The following DYNC2H1 variants were observed in gnomAD, a reference collection of about 807,000 sequenced individuals.
DYNC2H1 encodes the protein dynein cytoplasmic 2 heavy chain 1, also known as cytoplasmic dynein 2 heavy chain 1.
A neutral mutation model predicts 570.0 loss-of-function variants in DYNC2H1; 410 were observed. The ratio of observed to expected loss-of-function variants is 0.72; its 90% CI spans 0.66 to 0.78. The LOEUF (loss-of-function observed/expected upper bound fraction) is 0.78, where lower values mean the gene tolerates loss of function less well. DYNC2H1 is among the 30% of genes least tolerant of loss of function. The pLI, the probability that DYNC2H1 is intolerant of heterozygous loss-of-function variation, is 0.00. For synonymous variants in DYNC2H1, 1,688 were observed against 1,677.6 expected (o/e 1.01, Z -0.15); for missense variants, 4,865 against 5,046.4 (o/e 0.96, Z 1.09).
chr11:103,136,135 G>T (rs184585856), intron 17 of DYNC2H1, among the ~76,000 whole-genome samples, 187 bp downstream of exon 17: 51 of 151,866 alleles, frequency 3.4e-4, no homozygotes, highest in Admixed American at 7.9e-4. Context: ...AAAAGTTATG[G>T]GAAAGATTTT....
intron 1 of DYNC2H1, among the ~76,000 whole-genome samples, chr11:103,110,421 G>T (rs1475852948): frequency 6.6e-6 from 1 of 151,520 alleles, no homozygotes; most frequent in Non-Finnish European, 1.5e-5. Flanking sequence ...TTTTTTGGGG[G>T]GAAGGCAAAT....
At position 103,177,730 on chromosome 11, in the gene DYNC2H1, C is replaced by T. The variant is rs1216345152; in HGVS notation, c.6049C>T (p.Gln2017Ter). 1 of 1,613,308 alleles carries T rather than the reference C, an allele frequency of 6.2e-7. No homozygotes were observed. Among genetic ancestry groups the T allele is most frequent in the South Asian group, 1.1e-5 (1 of 90,982 alleles). Reference sequence around the variant, plus strand: ...GAATCCCAAAGCTATGCCTCGATATCAATTATTAGGCCATATTGACATGGA... The same window carrying T: ...GAATCCCAAAGCTATGCCTCGATATTAATTATTAGGCCATATTGACATGGA... ...TMNPKAMPRY[Q>*]LLGHIDMDTR... The change falls in exon 38 of 89, where the codon CAA becomes TAA. Residue 2017 changes from glutamine to a stop codon, truncating the protein, a stop_gained. Transcript: ENST00000375735. LOFTEE classifies it high-confidence loss of function. The surrounding 1 kb of genome is among the most constrained non-coding windows in gnomAD (Gnocchi z 4.4).
At chr11:103,309,721 T>C (rs7937201) in intron 78 of DYNC2H1, among the ~76,000 whole-genome samples, 7,808 of 152,196 alleles carry the variant, frequency 0.051, 255 homozygotes, top group Non-Finnish European at 0.075. Context: ...TAGGACTGGA[T>C]TGCATGAGCC....
At chr11:103,433,672 G>C (rs191512656) in intron 84 of DYNC2H1, among the ~76,000 whole-genome samples, 1 of 152,002 alleles carries the variant, frequency 6.6e-6, no homozygotes, top group African/African-American at 2.4e-5. Flanking sequence ...AAATACAACC[G>C]TCTCCTCCCA....
chr11:103,467,154 T>C (rs12418186), intron 87 of DYNC2H1, among the ~76,000 whole-genome samples: 22,216 of 152,182 alleles, frequency 0.15, 1,813 homozygotes, highest in Admixed American at 0.24. Context: ...TATTTATTGT[T>C]TATAGATACA....
intron 52 of DYNC2H1, among the ~76,000 whole-genome samples, chr11:103,206,993 C>T (rs1420130294): frequency 6.6e-6 from 1 of 152,076 alleles, no homozygotes; most frequent in South Asian, 2.1e-4. Context: ...GCAATCTCGG[C>T]TCACTGCAAC....
chr11:103,311,962 C>T lies in DYNC2H1; in HGVS notation c.11578C>T (p.Arg3860Ter). ...EQISKKDNTH[R>*]AHALFSLAWF... ...AATTAGCAAAAAAGATAATACACAT[C>T]GAGCTCATGCTCTCTTCAGTCTTGC... is the stretch of plus-strand genomic sequence containing the variant. The change falls in exon 79 of 89, where the codon CGA becomes TGA. Residue 3860 changes from arginine to a stop codon, truncating the protein, a stop_gained. Transcript: ENST00000375735. LOFTEE classifies it high-confidence loss of function. 6.2e-7 allele frequency: 1 copy of T among 1,613,704 alleles called. No individual in the cohort carries two copies. The highest frequency in any genetic ancestry group is 8.5e-7 in the Non-Finnish European group (1 of 1,179,768).
intron 70 of DYNC2H1, among the ~76,000 whole-genome samples, chr11:103,279,162 C>T (rs1866030920): frequency 6.6e-6 from 1 of 152,138 alleles, no homozygotes; most frequent in Admixed American, 6.5e-5. Context: ...TTATCCATTT[C>T]CATACTATAT....
At chr11:103,468,996 A>G (rs1460017757) in intron 88 of DYNC2H1, among the ~76,000 whole-genome samples, 2 of 152,214 alleles carry the variant, frequency 1.3e-5, no homozygotes, top group African/African-American at 2.4e-5. Flanking sequence ...CATGTGTTGC[A>G]TTCCTCTTAT....
chr11:103,220,474 A>G, intron 56 of DYNC2H1, 149 bp from the exon 57 acceptor site: 2 of 781,426 alleles, frequency 2.6e-6, no homozygotes, highest in South Asian at 2.8e-5. Flanking sequence ...TACACCTTGT[A>G]TGATTGAAAG....
rs183493520 is a variant in DYNC2H1, at chr11:103,422,063, C to T, written c.12367-13880C>T. Reference sequence around the variant, plus strand: ...CAACTATCACAGAATACTATAAACACGTCTATACACATAAACCAGGCCATC... The same window carrying T: ...CAACTATCACAGAATACTATAAACATGTCTATACACATAAACCAGGCCATC... On this transcript the variant is annotated intron_variant, in intron 84 of 88. Transcript: ENST00000375735. Among the ~76,000 whole-genome samples, 337 of 152,126 alleles carry T rather than the reference C, an allele frequency of 2.2e-3. 3 individuals are homozygous for T. Among genetic ancestry groups the T allele is most frequent in the Admixed American group, 4.1e-3 (62 of 15,272 alleles).
At position 103,170,902 on chromosome 11, in the gene DYNC2H1, C is replaced by A; in HGVS notation, c.5168C>A (p.Ser1723Ter). Reference sequence around the variant, plus strand: ...GTTTTTAAGGGCATCGATGTGAAGTCAATGGGACGAATATTTGTTGGTTTG... The same window carrying A: ...GTTTTTAAGGGCATCGATGTGAAGTAAATGGGACGAATATTTGTTGGTTTG... ...FNCDEGIDVK[S>*]MGRIFVGLVK... Residue 1723 changes from serine (S) to a stop codon, truncating the protein, a stop_gained, in exon 34 of 89, where the codon TCA becomes TAA. Coordinates refer to ENST00000375735, the MANE Select transcript of DYNC2H1 (RefSeq NM_001377.3). LOFTEE classifies it high-confidence loss of function. This position sits in a 1 kb window ranked among gnomAD's most constrained non-coding sequence, Gnocchi z 4.8. 6.4e-7 allele frequency: 1 copy of A among 1,551,510 alleles called. No homozygotes were observed. The highest frequency in any genetic ancestry group is 8.8e-7 in the Non-Finnish European group (1 of 1,142,092).
At position 103,203,729 on chromosome 11, in the gene DYNC2H1, C is replaced by T; in HGVS notation, c.8264C>T (p.Ala2755Val). 6.2e-7 allele frequency: 1 copy of T among 1,612,346 alleles called. No individual in the cohort carries two copies. Among genetic ancestry groups the T allele is most frequent in the Non-Finnish European group, 8.5e-7 (1 of 1,179,198 alleles). The change falls in exon 51 of 89, where the codon GCT (alanine) becomes GTT (valine). Residue 2755 changes from alanine to valine, a missense_variant. Physicochemically the swap from Ala to Val is moderately conservative, Grantham distance 64 (BLOSUM62 0). Coordinates refer to ENST00000375735, the MANE Select transcript of DYNC2H1 (RefSeq NM_001377.3). The surrounding 1 kb of genome is among the most constrained non-coding windows in gnomAD (Gnocchi z 4.7). ...TTGCTGTTACCACTTAAGGATCAAG[C>T]TTCACAAGATGGTTTTTTTGGACCA... Reference protein sequence around the residue: ...EPLLLPLKDQASQDGFFGPVF... With the variant: ...EPLLLPLKDQVSQDGFFGPVF...
In DYNC2H1 at chr11:103,222,948, T is replaced by G; in HGVS notation, c.9232-17T>G. On this transcript the variant is annotated splice_polypyrimidine_tract_variant and intron_variant, in intron 58 of 88. Transcript: ENST00000375735. Reference sequence around the variant, plus strand: ...AATTAAGTAAGGATGTTGAATCACTTCTCATGGATTTTTCAGAATGCTAAG... The same window carrying G: ...AATTAAGTAAGGATGTTGAATCACTGCTCATGGATTTTTCAGAATGCTAAG... The G allele has an allele frequency of 6.2e-7, 1 of 1,612,084 alleles. No individual in the cohort carries two copies. Among genetic ancestry groups the G allele is most frequent in the Non-Finnish European group, 8.5e-7 (1 of 1,179,050 alleles).
chr11:103,370,795 T>C (rs912859953), intron 83 of DYNC2H1, among the ~76,000 whole-genome samples: 6 of 152,122 alleles, frequency 3.9e-5, no homozygotes, highest in Non-Finnish European at 8.8e-5. Flanking sequence ...CAGGTAGAGC[T>C]TAGATCACAA....
At chr11:103,121,144 T>G in intron 9 of DYNC2H1, 108 bp downstream of exon 9, 1 of 913,528 alleles carries the variant, frequency 1.1e-6, no homozygotes, top group Non-Finnish European at 1.6e-6. Context: ...TCTGACATTT[T>G]CATGCTGAAG....
Position 103,395,105 on chromosome 11 carries a change from T to G in DYNC2H1, c.12157-4558T>G, listed in dbSNP as rs1742627667. Among the ~76,000 whole-genome samples the G allele has an allele frequency of 1.3e-5, 2 of 152,166 alleles. No homozygotes were observed. The highest frequency in any genetic ancestry group is 4.8e-5 in the African/African-American group (2 of 41,440). On this transcript the variant is annotated intron_variant, in intron 83 of 88. Coordinates refer to ENST00000375735, the MANE Select transcript of DYNC2H1 (RefSeq NM_001377.3). The surrounding 1 kb of genome is among the most constrained non-coding windows in gnomAD (Gnocchi z 4.3). ...ATAATTTAATCCAGATATGTAATAT[T>G]TTGACCTTTCTGATCGTAGATGCTT...
intron 17 of DYNC2H1, among the ~76,000 whole-genome samples, chr11:103,141,990 A>G (rs1041674508): frequency 7.9e-5 from 12 of 152,182 alleles, no homozygotes; most frequent in East Asian, 1.9e-4. Flanking sequence ...GCGAGACTCC[A>G]TGGGCATAGG....
At chr11:103,271,430 A>G (rs1865706059) in intron 70 of DYNC2H1, among the ~76,000 whole-genome samples, 1 of 152,224 alleles carries the variant, frequency 6.6e-6, no homozygotes, top group Non-Finnish European at 1.5e-5. Context: ...AACTGCTTTG[A>G]GCTTAAAGCA....
Sources: allele counts gnomAD v4.1 joint callset (sites outside exome capture counted in the v4.1 genomes callset), GRCh38; gene constraint gnomAD v4.1.1; non-coding constraint Gnocchi (gnomAD v3.1); transcripts MANE v1.5; gene names NCBI Gene and HGNC (gene_info 2026-07-23, HGNC 2026-07-21).